Variants in PPFIA2 observed in about 807,000 individuals in gnomAD.
PPFIA2 encodes the protein PPFI scaffold protein A2.
A neutral mutation model predicts 175.5 loss-of-function variants in PPFIA2; 46 were observed. The observed-to-expected ratio is 0.26, with a 90% CI of 0.21 to 0.34. The LOEUF is 0.34. Ranked by LOEUF, PPFIA2 falls within the 10% of genes least tolerant of loss-of-function variation. The probability of loss-of-function intolerance (pLI) is 1.00; values close to 1 mark genes in which losing one functional copy is unlikely to be tolerated. For missense variants in PPFIA2, 1,179 were observed against 1,506.1 expected, an observed-to-expected ratio of 0.78 and a Z score of 3.60; for synonymous variants, 568 against 511.4, an observed-to-expected ratio of 1.11 and a Z score of -1.49.
intron 24 of PPFIA2, 97 bp downstream of exon 24, chr12:81,294,738 A>T: frequency 1.8e-6 from 2 of 1,106,020 alleles, no homozygotes; most frequent in South Asian, 2.8e-5. Context: ...ATTCAAGCTG[A>T]CATTGAAATG....
chr12:81,732,011 C>CT (rs2080976975), intron 3 of PPFIA2, among the ~76,000 whole-genome samples: 1 of 151,292 alleles, frequency 6.6e-6, no homozygotes, highest in Admixed American at 6.6e-5. Flanking sequence ...TTCTTCAAGC[C>CT]TATGTCACAG....
At chr12:81,644,167 C>A (rs2065737727) in intron 4 of PPFIA2, among the ~76,000 whole-genome samples, 2 of 151,908 alleles carry the variant, frequency 1.3e-5, no homozygotes, top group African/African-American at 4.8e-5. Context: ...TTGTATTATA[C>A]CTTTTACATT....
intron 3 of PPFIA2, among the ~76,000 whole-genome samples, chr12:81,741,441 A>G (rs1034435106): frequency 6.6e-6 from 1 of 151,844 alleles, no homozygotes; most frequent in African/African-American, 2.4e-5. Flanking sequence ...TTTATTTAGT[A>G]TTTTTTTTAA....
intron 3 of PPFIA2, 44 bp downstream of exon 3, chr12:81,753,929 T>C (rs2084243040): frequency 1.3e-6 from 2 of 1,599,070 alleles, no homozygotes; most frequent in African/African-American, 1.3e-5. Flanking sequence ...TCTTAACAAA[T>C]GTTCAATTAC....
At chr12:81,552,981 C>T (rs1246056351) in intron 4 of PPFIA2, among the ~76,000 whole-genome samples, 1 of 152,038 alleles carries the variant, frequency 6.6e-6, no homozygotes, top group Non-Finnish European at 1.5e-5. Context: ...CTCTGCCATT[C>T]ACTTTGCTCA....
intron 5 of PPFIA2, among the ~76,000 whole-genome samples, chr12:81,447,364 G>A (rs187810234): frequency 2.2e-4 from 34 of 152,076 alleles, no homozygotes; most frequent in African/African-American, 3.9e-4. Flanking sequence ...TCAATCTTTC[G>A]CTGGCAAACT....
At chr12:81,654,184 A>G (rs2067435544) in intron 4 of PPFIA2, among the ~76,000 whole-genome samples, 1 of 151,964 alleles carries the variant, frequency 6.6e-6, no homozygotes, top group Admixed American at 6.6e-5. Flanking sequence ...TAATAATAAA[A>G]TGAGAAAATA....
intron 4 of PPFIA2, chr12:81,598,332 G>A (rs2059465715): frequency 3.5e-6 from 4 of 1,150,334 alleles, no homozygotes; most frequent in African/African-American, 1.6e-5. Context: ...TGGAGCTTGT[G>A]CAGAATCTGG....
chr12:81,698,753 T>C (rs1027117199), intron 3 of PPFIA2, among the ~76,000 whole-genome samples: 2 of 125,550 alleles, frequency 1.6e-5, no homozygotes, highest in African/African-American at 5.2e-5. Flanking sequence ...TCAACCTATC[T>C]AGTCCTTTAT....
At chr12:81,470,734 C>T (rs1226747131) in intron 4 of PPFIA2, among the ~76,000 whole-genome samples, 6 of 152,064 alleles carry the variant, frequency 3.9e-5, no homozygotes, top group Non-Finnish European at 8.8e-5. Context: ...TATTTCATAT[C>T]GTTTTATTTT....
chr12:81,711,708 C>G (rs2077948900), intron 3 of PPFIA2, among the ~76,000 whole-genome samples: 1 of 150,314 alleles, frequency 6.7e-6, no homozygotes. Context: ...CAGCTTGACT[C>G]TACTAAAAGG....
At chr12:81,571,169 T>C (rs558395685) in intron 4 of PPFIA2, among the ~76,000 whole-genome samples, 1 of 152,244 alleles carries the variant, frequency 6.6e-6, no homozygotes, top group Non-Finnish European at 1.5e-5. Flanking sequence ...GATTCCAGGA[T>C]TGAAAATTTC....
At chr12:81,725,977 C>T (rs1441213723) in intron 3 of PPFIA2, among the ~76,000 whole-genome samples, 2 of 150,926 alleles carry the variant, frequency 1.3e-5, no homozygotes, top group African/African-American at 2.4e-5. Flanking sequence ...AACTATTTCA[C>T]CTCTTCTAGA....
Position 81,756,378 on chromosome 12 carries a change from T to C in PPFIA2, c.-3+2022A>G, listed in dbSNP as rs567046109. On this transcript the variant is annotated intron_variant, in intron 2 of 32. Transcript: ENST00000549396. ...CAAGGCAAAGCATAACAGCAGTGAATACCCCAATATAATTTTCACCTGAAA... is the reference window on the plus strand; with the variant it reads ...CAAGGCAAAGCATAACAGCAGTGAACACCCCAATATAATTTTCACCTGAAA... Among the ~76,000 whole-genome samples the C allele has an allele frequency of 2.2e-4, 34 of 152,246 alleles. No homozygotes were observed. In the South Asian group the frequency reaches 6.8e-3, roughly 31 times the overall value.
intron 7 of PPFIA2, among the ~76,000 whole-genome samples, chr12:81,433,907 C>T (rs920594377): frequency 1.3e-5 from 2 of 152,052 alleles, no homozygotes; most frequent in African/African-American, 2.4e-5. Context: ...GAGCTTTAGC[C>T]ATTAATTAAT....
chr12:81,368,535 T>A (rs2141445325), intron 13 of PPFIA2, among the ~76,000 whole-genome samples, 190 bp downstream of exon 13: 1 of 151,916 alleles, frequency 6.6e-6, no homozygotes, highest in East Asian at 1.9e-4. Flanking sequence ...CATGCAAATT[T>A]TTTATTCATC....
chr12:81,467,820 G>A (rs1413707318), intron 4 of PPFIA2, among the ~76,000 whole-genome samples: 2 of 152,260 alleles, frequency 1.3e-5, no homozygotes, highest in East Asian at 3.9e-4. Flanking sequence ...CTGCCTACAA[G>A]TCTGACCAGA....
intron 3 of PPFIA2, among the ~76,000 whole-genome samples, chr12:81,751,156 C>T (rs1048570578): frequency 1.3e-5 from 2 of 152,028 alleles, no homozygotes; most frequent in Non-Finnish European, 2.9e-5. Flanking sequence ...ATGATTATCA[C>T]TGTCTAAGGA....
At chr12:81,497,489 C>T (rs1425873986) in intron 4 of PPFIA2, among the ~76,000 whole-genome samples, 8 of 150,732 alleles carry the variant, frequency 5.3e-5, no homozygotes, top group Non-Finnish European at 1.0e-4. Flanking sequence ...TCCTGCCTTC[C>T]CCATGTTAGT....
Sources: allele counts gnomAD v4.1 joint callset (sites outside exome capture counted in the v4.1 genomes callset), GRCh38; gene constraint gnomAD v4.1.1; transcripts MANE v1.5; gene names NCBI Gene and HGNC (gene_info 2026-07-23, HGNC 2026-07-21).